The following CRB1 variants were observed in gnomAD, a reference collection of about 807,000 sequenced individuals.
CRB1 encodes the protein crumbs cell polarity complex component 1.
CRB1 carries 83 observed loss-of-function variants against 120.0 expected under a neutral mutation model. The ratio of observed to expected loss-of-function variants is 0.69; its 90% CI spans 0.58 to 0.83. CRB1 has a LOEUF of 0.83. CRB1 is among the 40% of genes least tolerant of loss of function. The pLI, the probability that CRB1 is intolerant of heterozygous loss-of-function variation, is 0.00. For missense variants in CRB1, 1,699 were observed against 1,687.6 expected (o/e 1.01, Z -0.12); for synonymous variants, 625 against 612.5 (o/e 1.02, Z -0.30).
chr1:197,373,838 A>C (rs904770839), intron 5 of CRB1, among the ~76,000 whole-genome samples: 12 of 152,202 alleles, frequency 7.9e-5, no homozygotes, highest in Admixed American at 7.9e-4. Context: ...TGACAAAAAT[A>C]CACCATTGTC....
intron 11 of CRB1, among the ~76,000 whole-genome samples, chr1:197,471,378 G>T (rs145771828): frequency 2.0e-5 from 3 of 152,282 alleles, no homozygotes; most frequent in African/African-American, 7.2e-5. Flanking sequence ...CCATTGTTCT[G>T]TTCTCGGCAA....
In CRB1 at chr1:197,427,520, G is replaced by C. The variant is rs757381371; in HGVS notation, c.2195G>C (p.Ser732Thr). The change falls in exon 7 of 12, where the codon AGC (serine) becomes ACC (threonine). Residue 732 changes from serine (S) to threonine (T), a missense_variant. Coordinates refer to ENST00000367400, the MANE Select transcript of CRB1 (RefSeq NM_201253.3). Reference protein sequence around the residue: ...TGYVIFTLDESYGDTISLSMF... With the variant: ...TGYVIFTLDETYGDTISLSMF... ...TATGTCATCTTTACTCTTGATGAGA[G>C]CTATGGAGACACCATCAGCCTCTCC... is the stretch of plus-strand genomic sequence containing the variant. The C allele has an allele frequency of 7.4e-6, 12 of 1,613,686 alleles. No homozygotes were observed. The Admixed American group carries it at 2.0e-4, about 27-fold the overall frequency.
intron 11 of CRB1, among the ~76,000 whole-genome samples, chr1:197,467,815 C>T (rs1666814520): frequency 6.6e-6 from 1 of 152,172 alleles, no homozygotes; most frequent in Non-Finnish European, 1.5e-5. Flanking sequence ...AATGAAGCTA[C>T]TATGTTGAAA....
At chr1:197,415,682 G>T (rs1431014243) in intron 5 of CRB1, among the ~76,000 whole-genome samples, 1 of 112,022 alleles carries the variant, frequency 8.9e-6, no homozygotes, top group Non-Finnish European at 1.6e-5. Flanking sequence ...TCACTCTGTC[G>T]CCCAGGCTGG....
rs145225014 is a variant in CRB1, at chr1:197,302,531, A to G, written c.71-25891A>G. 2.6e-5 allele frequency among the ~76,000 whole-genome samples: 4 copies of G among 152,322 alleles called. No individual in the cohort carries two copies. In the East Asian group the frequency reaches 7.7e-4, roughly 29 times the overall value. The stretch of plus-strand genomic sequence containing the variant: ...AAAAGTAAGCAATATAAAGACCTAA[A>G]AAAGGCTAATATACACAAGATGGGG... On this transcript the variant is annotated intron_variant, in intron 1 of 11. Transcript: ENST00000367400.
rs747953490 is a variant in CRB1 at position 197,477,779 on chromosome 1, C to T, written c.4121C>T (p.Ala1374Val). Residue 1374 changes from alanine to valine, a missense_variant, in exon 12 of 12, where the codon GCA becomes GTA. Physicochemically the swap from Ala to Val is moderately conservative, Grantham distance 64 (BLOSUM62 0). Coordinates refer to ENST00000367400, the MANE Select transcript of CRB1 (RefSeq NM_201253.3). ...TCTGTTGTCACCTCCAACAAAAGGGCAACTCAGGGAACCTACAGCCCCAGC... is the reference window on the plus strand; with the variant it reads ...TCTGTTGTCACCTCCAACAAAAGGGTAACTCAGGGAACCTACAGCCCCAGC... ...VASVVTSNKR[A>V]TQGTYSPSRQ... is the part of the protein sequence containing the mutation. 6.2e-7 allele frequency: 1 copy of T among 1,613,752 alleles called. No individual in the cohort carries two copies. Among genetic ancestry groups the T allele is most frequent in the East Asian group, 2.2e-5 (1 of 44,880 alleles).
chr1:197,407,425 C>G (rs756883997), intron 5 of CRB1, among the ~76,000 whole-genome samples: 7 of 152,152 alleles, frequency 4.6e-5, no homozygotes, highest in Non-Finnish European at 7.4e-5. Context: ...TTTTTAGGAA[C>G]AGTTTAAATG....
At chr1:197,235,622 T>A in the CRB1 span, among the ~76,000 whole-genome samples, 1 of 152,080 alleles carries the variant, frequency 6.6e-6, no homozygotes, top group Non-Finnish European at 1.5e-5. Context: ...ACCCACTGAG[T>A]GTAGCAGAGG....
chr1:197,316,580 T>A (rs969122881), intron 1 of CRB1, among the ~76,000 whole-genome samples: 1 of 152,212 alleles, frequency 6.6e-6, no homozygotes, highest in East Asian at 1.9e-4. Flanking sequence ...AAAGTGAATA[T>A]TAAGAGACGA....
At position 197,435,417 on chromosome 1, in the gene CRB1, C is replaced by G; in HGVS notation, c.3554C>G (p.Pro1185Arg). 1 of 1,601,554 alleles carries G rather than the reference C, an allele frequency of 6.2e-7. No homozygotes were observed. ...ELNIDECFSN[P>R]CIHGNCSDRV... is the part of the protein sequence containing the mutation. ...AACATCGATGAATGCTTTTCAAACCCCTGTATCCATGGCAACTGCTCTGAC... is the reference window on the plus strand; with the variant it reads ...AACATCGATGAATGCTTTTCAAACCGCTGTATCCATGGCAACTGCTCTGAC... Residue 1185 changes from proline to arginine, a missense_variant, in exon 9 of 12, where the codon CCC becomes CGC. Transcript: ENST00000367400.
chr1:197,423,039 G>A (rs1422337621), intron 6 of CRB1, among the ~76,000 whole-genome samples: 2 of 152,078 alleles, frequency 1.3e-5, no homozygotes, highest in Non-Finnish European at 2.9e-5. Flanking sequence ...AAGTAGAATG[G>A]CAAGTTGTTT....
intron 8 of CRB1, among the ~76,000 whole-genome samples, chr1:197,432,736 A>G (rs1664933968): frequency 6.6e-6 from 1 of 152,160 alleles, no homozygotes; most frequent in African/African-American, 2.4e-5. Context: ...AATGGGAGCT[A>G]TGAAGAAAAT....
At chr1:197,220,518 G>C in the CRB1 span, among the ~76,000 whole-genome samples, 1 of 152,148 alleles carries the variant, frequency 6.6e-6, no homozygotes, top group Non-Finnish European at 1.5e-5. Context: ...TCAGACCATG[G>C]GCTACAAGAG....
At chr1:197,446,387 G>A (rs573200310) in intron 11 of CRB1, among the ~76,000 whole-genome samples, 1 of 152,110 alleles carries the variant, frequency 6.6e-6, no homozygotes. Flanking sequence ...GCACAGTACT[G>A]TGTGTTTCAG....
intron 11 of CRB1, among the ~76,000 whole-genome samples, chr1:197,446,788 G>A (rs1275105981): frequency 6.6e-6 from 1 of 152,004 alleles, no homozygotes; most frequent in Non-Finnish European, 1.5e-5. Flanking sequence ...GGTCTAAGGG[G>A]GTGATAACTT....
rs267598279 is a variant in CRB1 at position 197,434,730 on chromosome 1, G to T, written c.2867G>T (p.Gly956Val). 6.2e-7 allele frequency: 1 copy of T among 1,613,292 alleles called. No homozygotes were observed. The highest frequency in any genetic ancestry group is 8.5e-7 in the Non-Finnish European group (1 of 1,179,524). Reference protein sequence around the residue: ...FECIANAVFNGQSGQILFRSN... With the variant: ...FECIANAVFNVQSGQILFRSN... Reference sequence around the variant, plus strand: ...GGTATTGCAAATGCTGTTTTTAATGGACAAAGCGGTCAAATATTATTCAGA... The same window carrying T: ...GGTATTGCAAATGCTGTTTTTAATGTACAAAGCGGTCAAATATTATTCAGA... The change falls in exon 9 of 12, where the codon GGA becomes GTA. Residue 956 changes from glycine (G) to valine (V), a missense_variant. Coordinates refer to ENST00000367400, the MANE Select transcript of CRB1 (RefSeq NM_201253.3).
rs1022182632 is a variant in CRB1, at chr1:197,356,928, A to T, written c.1086A>T (p.Gln362His). ...GTGTGGAGCTGTCCTCAGAGAAACAATATGGACGCATCACTGGACTGCCTT... is the reference window on the plus strand; with the variant it reads ...GTGTGGAGCTGTCCTCAGAGAAACATTATGGACGCATCACTGGACTGCCTT... ...GECVELSSEK[Q>H]YGRITGLPSS... Residue 362 changes from glutamine (Q) to histidine (H), a missense_variant, in exon 5 of 12, where the codon CAA (glutamine) becomes CAT (histidine). Coordinates refer to ENST00000367400, the MANE Select transcript of CRB1 (RefSeq NM_201253.3). The T allele has an allele frequency of 1.1e-5, 18 of 1,614,094 alleles. No individual in the cohort carries two copies. The highest frequency in any genetic ancestry group is 1.4e-5 in the Non-Finnish European group (16 of 1,180,036).
Position 197,428,002 on chromosome 1 carries a change from G to T in CRB1, c.2676+1G>T, listed in dbSNP as rs1664686689. 1 of 1,612,950 alleles carries T rather than the reference G, an allele frequency of 6.2e-7. No individual in the cohort carries two copies. The highest frequency in any genetic ancestry group is 8.5e-7 in the Non-Finnish European group (1 of 1,179,502). On this transcript the variant is annotated splice_donor_variant, in intron 7 of 11. Transcript: ENST00000367400. LOFTEE classifies it high-confidence loss of function. The stretch of plus-strand genomic sequence containing the variant: ...CTGTGCTGGAGACAACAGCTGCAAG[G>T]TAATGATTACTCATACAAACTAGGT...
the CRB1 span, among the ~76,000 whole-genome samples, chr1:197,252,562 A>G: frequency 2.4e-5 from 1 of 41,600 alleles, no homozygotes; most frequent in South Asian, 1.0e-3. Context: ...ATATATATAT[A>G]TATATATATA....
Sources: gnomAD v4.1 joint callset for allele counts (sites outside exome capture counted in the v4.1 genomes callset) on GRCh38, gnomAD v4.1.1 for gene constraint, MANE v1.5 for transcripts, NCBI Gene and HGNC (gene_info 2026-07-23, HGNC 2026-07-21) for gene names.